DPYD: variants seen among roughly 807,000 people sequenced by gnomAD.
DPYD encodes dihydropyrimidine dehydrogenase.
A neutral mutation model predicts 116.2 loss-of-function variants in DPYD; 109 were observed. The ratio of observed to expected loss-of-function variants is 0.94; its 90% CI spans 0.80 to 1.10. The LOEUF is 1.10. Ranked by LOEUF, DPYD falls within the 50% of genes least tolerant of loss-of-function variation. DPYD has a pLI of 0.00. For missense variants in DPYD, 1,302 were observed against 1,254.5 expected (o/e 1.04, Z -0.57); for synonymous variants, 440 against 432.0 (o/e 1.02, Z -0.23).
At chr1:97,336,182 G>A (rs969312410) in intron 16 of DPYD, among the ~76,000 whole-genome samples, 3 of 152,182 alleles carry the variant, frequency 2.0e-5, no homozygotes, top group Non-Finnish European at 4.4e-5. Context: ...TAATAGAAGA[G>A]ATACATTTGA....
intron 18 of DPYD, among the ~76,000 whole-genome samples, chr1:97,266,180 T>C (rs1369478630): frequency 6.6e-6 from 1 of 152,194 alleles, no homozygotes; most frequent in East Asian, 1.9e-4. Context: ...TCCTGTGTTA[T>C]AAAATCTGTG....
At chr1:97,426,896 T>C (rs562422194) in intron 14 of DPYD, among the ~76,000 whole-genome samples, 2 of 152,246 alleles carry the variant, frequency 1.3e-5, no homozygotes, top group East Asian at 1.9e-4. Flanking sequence ...TAAGCAATGA[T>C]GCATGATTTT....
chr1:97,589,899 G>T (rs1208834072), intron 10 of DPYD, among the ~76,000 whole-genome samples: 1 of 152,160 alleles, frequency 6.6e-6, no homozygotes, highest in Non-Finnish European at 1.5e-5. Flanking sequence ...GAAACCAAAT[G>T]TGGCTGAAGT....
chr1:97,475,704 T>C (rs1266847441), intron 13 of DPYD, among the ~76,000 whole-genome samples: 1 of 152,216 alleles, frequency 6.6e-6, no homozygotes, highest in African/African-American at 2.4e-5. Flanking sequence ...TATGGCTATG[T>C]TCCAGTAAGG....
chr1:97,536,338 G>A (rs919667934), intron 12 of DPYD, among the ~76,000 whole-genome samples: 1 of 152,104 alleles, frequency 6.6e-6, no homozygotes, highest in African/African-American at 2.4e-5. Flanking sequence ...CCTGACAGTG[G>A]CCAATGATTT....
chr1:97,508,200 T>C (rs1435613503), intron 13 of DPYD, among the ~76,000 whole-genome samples: 1 of 151,848 alleles, frequency 6.6e-6, no homozygotes, highest in South Asian at 2.1e-4. Context: ...AAACAACCAA[T>C]GTAATGTGGG....
At chr1:97,918,198 T>C (rs1674323874) in intron 1 of DPYD, among the ~76,000 whole-genome samples, 1 of 152,196 alleles carries the variant, frequency 6.6e-6, no homozygotes, top group Admixed American at 6.5e-5. Flanking sequence ...TTTTCTGTTA[T>C]CTTTATTTTT....
intron 8 of DPYD, among the ~76,000 whole-genome samples, chr1:97,658,815 A>G (rs899319362): frequency 2.0e-5 from 3 of 152,174 alleles, no homozygotes; most frequent in African/African-American, 7.2e-5. Flanking sequence ...TGACTGTATG[A>G]CTTGCTTCTT....
chr1:97,658,581 CT>C, intron 8 of DPYD, among the ~76,000 whole-genome samples: 1 of 152,094 alleles, frequency 6.6e-6, no homozygotes, highest in Non-Finnish European at 1.5e-5. Flanking sequence ...AGAATTTAGA[CT>C]TAAATAATAA....
At chr1:97,504,933 G>A (rs1469584555) in intron 13 of DPYD, among the ~76,000 whole-genome samples, 5 of 151,792 alleles carry the variant, frequency 3.3e-5, no homozygotes, top group Non-Finnish European at 7.4e-5. Context: ...TCCCTCTTGT[G>A]TCCATTGAGT....
chr1:97,766,349 A>T (rs1421095868), intron 3 of DPYD, among the ~76,000 whole-genome samples: 1 of 152,098 alleles, frequency 6.6e-6, no homozygotes, highest in African/African-American at 2.4e-5. Flanking sequence ...TTATATTCAG[A>T]ATGTCAGTTG....
At chr1:97,414,168 A>G (rs1434641912) in intron 14 of DPYD, among the ~76,000 whole-genome samples, 1 of 152,198 alleles carries the variant, frequency 6.6e-6, no homozygotes, top group Non-Finnish European at 1.5e-5. Context: ...TAAAAATTCT[A>G]CAACTTGGAA....
intron 13 of DPYD, among the ~76,000 whole-genome samples, chr1:97,487,453 C>G (rs879577345): frequency 3.3e-5 from 5 of 152,124 alleles, no homozygotes; most frequent in Non-Finnish European, 5.9e-5. Context: ...GCGGGCGGAT[C>G]ACGAGGTCAG....
chr1:97,285,375 T>C (rs1452959320), intron 18 of DPYD, among the ~76,000 whole-genome samples: 2 of 152,212 alleles, frequency 1.3e-5, no homozygotes, highest in Non-Finnish European at 2.9e-5. Flanking sequence ...TTAAAGTAGG[T>C]ATAAAAGTGC....
intron 3 of DPYD, among the ~76,000 whole-genome samples, chr1:97,768,489 TTTTA>T (rs1398887741): frequency 5.3e-5 from 8 of 152,322 alleles, no homozygotes; most frequent in African/African-American, 1.9e-4. Flanking sequence ...CACTCTTCTC[TTTTA>T]TTGTCATTTT....
chr1:97,789,067 A>G (rs1314351705), intron 3 of DPYD, among the ~76,000 whole-genome samples: 1 of 152,138 alleles, frequency 6.6e-6, no homozygotes, highest in Non-Finnish European at 1.5e-5. Context: ...TAGGCTTCCC[A>G]AAGTGCTGGG....
chr1:97,237,804 A>C (rs1263407846), intron 18 of DPYD, among the ~76,000 whole-genome samples: 1 of 152,156 alleles, frequency 6.6e-6, no homozygotes, highest in Non-Finnish European at 1.5e-5. Context: ...CTTTACATAC[A>C]CACTACTTTG....
At chr1:97,493,343 G>A (rs1190074771) in intron 13 of DPYD, among the ~76,000 whole-genome samples, 1 of 152,164 alleles carries the variant, frequency 6.6e-6, no homozygotes, top group Non-Finnish European at 1.5e-5. Flanking sequence ...TAAAACACAA[G>A]CCATGAAGGA....
chr1:97,362,886 G>A (rs1670814145), intron 16 of DPYD, among the ~76,000 whole-genome samples: 1 of 152,172 alleles, frequency 6.6e-6, no homozygotes, highest in Admixed American at 6.5e-5. Context: ...TCAGGACACA[G>A]GCATGGGAAA....
Sources: allele counts gnomAD v4.1 joint callset (sites outside exome capture counted in the v4.1 genomes callset), GRCh38; gene constraint gnomAD v4.1.1; transcripts MANE v1.5; gene names NCBI Gene and HGNC (gene_info 2026-07-23, HGNC 2026-07-21).